COP1: variants seen among roughly 807,000 people sequenced by gnomAD.
COP1 encodes COP1 E3 ubiquitin ligase.
COP1 carries 24 observed loss-of-function variants against 101.3 expected under a neutral mutation model. That is an observed-to-expected ratio of 0.24 (90% confidence interval 0.17 to 0.33). The LOEUF (loss-of-function observed/expected upper bound fraction) is 0.33, where lower values mean the gene tolerates loss of function less well. Among genes scored for constraint, COP1 ranks in the 10% least tolerant of loss-of-function variants. The pLI is 1.00. For missense variants in COP1, 663 were observed against 906.2 expected, an observed-to-expected ratio of 0.73 and a Z score of 3.45; for synonymous variants, 347 against 341.9, an observed-to-expected ratio of 1.01 and a Z score of -0.17.
At chr1:176,028,766 T>A (rs974540462) in intron 14 of COP1, among the ~76,000 whole-genome samples, 5 of 146,062 alleles carry the variant, frequency 3.4e-5, no homozygotes, top group African/African-American at 1.3e-4. Flanking sequence ...TATTATTATT[T>A]TTGAGACAGG....
chr1:176,176,680 A>G lies in COP1; in HGVS notation c.468-673T>C, dbSNP rs965391971. Among the ~76,000 whole-genome samples the G allele has an allele frequency of 2.0e-5, 3 of 152,228 alleles. No homozygotes were observed. In the East Asian group the frequency reaches 5.8e-4, roughly 29 times the overall value. On this transcript the variant is annotated intron_variant, in intron 2 of 19. Coordinates refer to ENST00000367669, the MANE Select transcript of COP1 (RefSeq NM_022457.7). ...CAGAAAATGAAAAAATTAGCCAGGC[A>G]TGATAGCATATGCAGCTACTGGGAG...
intron 18 of COP1, among the ~76,000 whole-genome samples, chr1:175,952,823 G>T (rs917359273): frequency 6.6e-6 from 1 of 152,142 alleles, no homozygotes; most frequent in Non-Finnish European, 1.5e-5. Flanking sequence ...AGGCTGAAGC[G>T]GGAGGATCTC....
intron 15 of COP1, among the ~76,000 whole-genome samples, chr1:176,027,255 CTTAA>C (rs1333904477): frequency 2.6e-5 from 4 of 152,052 alleles, no homozygotes; most frequent in African/African-American, 4.8e-5. Context: ...TTAATAATAG[CTTAA>C]TTGTTTAAAT....
At chr1:176,116,096 T>C (rs941308676) in intron 9 of COP1, among the ~76,000 whole-genome samples, 1 of 152,188 alleles carries the variant, frequency 6.6e-6, no homozygotes, top group Admixed American at 6.5e-5. Context: ...TTTAAAAAAC[T>C]GCCAGGGATA....
At chr1:176,137,952 C>A (rs1355906138) in intron 6 of COP1, among the ~76,000 whole-genome samples, 1 of 152,014 alleles carries the variant, frequency 6.6e-6, no homozygotes, top group East Asian at 1.9e-4. Context: ...AATAAGAAAG[C>A]CAATAGTTGA....
At chr1:176,091,408 A>G (rs1681277945) in intron 9 of COP1, among the ~76,000 whole-genome samples, 1 of 152,128 alleles carries the variant, frequency 6.6e-6, no homozygotes, top group South Asian at 2.1e-4. Flanking sequence ...CAATGACACC[A>G]ACTGGAAGAT....
intron 15 of COP1, among the ~76,000 whole-genome samples, chr1:175,998,106 A>G (rs1349079102): frequency 2.1e-3 from 304 of 144,166 alleles, no homozygotes; most frequent in Non-Finnish European, 3.6e-3. Context: ...TGTGGCACAT[A>G]TACACCATGG....
chr1:176,153,823 T>C (rs1169889777), intron 5 of COP1, among the ~76,000 whole-genome samples: 1 of 152,228 alleles, frequency 6.6e-6, no homozygotes, highest in African/African-American at 2.4e-5. Context: ...GTTGAAAGTC[T>C]TTTCTGCATC....
chr1:176,138,537 T>C (rs1017778539), intron 6 of COP1, among the ~76,000 whole-genome samples: 2 of 152,170 alleles, frequency 1.3e-5, no homozygotes, highest in Admixed American at 6.6e-5. Flanking sequence ...AAAGACACTG[T>C]CTGTCCTGAA....
At chr1:176,056,611 C>G (rs1304278481) in intron 11 of COP1, among the ~76,000 whole-genome samples, 1 of 152,038 alleles carries the variant, frequency 6.6e-6, no homozygotes, top group Non-Finnish European at 1.5e-5. Flanking sequence ...TTTCAGAACT[C>G]GTCTATACAA....
rs1445513389 is a variant in COP1 at position 175,944,982 on chromosome 1, C to A, written c.*171G>T. 3 of 615,606 alleles carry A rather than the reference C, an allele frequency of 4.9e-6. No homozygotes were observed. In the East Asian group the frequency reaches 9.4e-5, roughly 19 times the overall value. 38.1% of individuals were successfully genotyped at this position (615,606 alleles called of 1,614,324 possible). A position where few individuals can be genotyped will look rare whatever the true frequency, so the allele number is the denominator to read the frequency against. On this transcript the variant is annotated 3_prime_UTR_variant, in exon 20 of 20. Coordinates refer to ENST00000367669, the MANE Select transcript of COP1 (RefSeq NM_022457.7). ...AGTTGGCTGGGTATTCCCAATGTCC[C>A]AAAGGTCATAAAGGAGGGAAAAGAA...
chr1:175,969,904 T>G (rs1390352378), intron 18 of COP1, among the ~76,000 whole-genome samples: 1 of 152,224 alleles, frequency 6.6e-6, no homozygotes, highest in Non-Finnish European at 1.5e-5. Context: ...ATTAGTACTG[T>G]CAGTATCACA....
At chr1:176,098,763 T>C (rs900275079) in intron 9 of COP1, among the ~76,000 whole-genome samples, 11 of 152,236 alleles carry the variant, frequency 7.2e-5, no homozygotes, top group African/African-American at 2.4e-4. Context: ...GAATTCTATT[T>C]CATAACATCA....
chr1:176,008,570 A>G (rs1664001877), intron 15 of COP1, among the ~76,000 whole-genome samples: 1 of 152,204 alleles, frequency 6.6e-6, no homozygotes, highest in Non-Finnish European at 1.5e-5. Flanking sequence ...TGTAATAACT[A>G]ATTACAAATA....
chr1:176,050,144 T>G (rs937587508), intron 11 of COP1, among the ~76,000 whole-genome samples: 1 of 152,226 alleles, frequency 6.6e-6, no homozygotes, highest in South Asian at 2.1e-4. Flanking sequence ...GGGACATAAA[T>G]TGCATTTTTC....
At chr1:176,013,806 T>A (rs1229969320) in intron 15 of COP1, among the ~76,000 whole-genome samples, 2 of 152,198 alleles carry the variant, frequency 1.3e-5, no homozygotes, top group Non-Finnish European at 2.9e-5. Context: ...AAATTAAAAT[T>A]CCAGACTTAT....
chr1:175,970,120 G>A (rs952055364), intron 18 of COP1, among the ~76,000 whole-genome samples: 2 of 152,140 alleles, frequency 1.3e-5, no homozygotes, highest in Non-Finnish European at 2.9e-5. Context: ...GTTGAAGCAA[G>A]GAATGTACCT....
chr1:176,008,094 G>T (rs1326505235), intron 15 of COP1, among the ~76,000 whole-genome samples: 2 of 152,188 alleles, frequency 1.3e-5, no homozygotes, highest in Non-Finnish European at 2.9e-5. Context: ...TTGGGTGGGA[G>T]TGACCCGATT....
At chr1:176,020,225 C>T (rs1188950502) in intron 15 of COP1, among the ~76,000 whole-genome samples, 7 of 150,300 alleles carry the variant, frequency 4.7e-5, no homozygotes, top group East Asian at 2.0e-4. Context: ...GCAGGGGAAT[C>T]GCTTGAACTT....
Sources: allele counts gnomAD v4.1 joint callset (sites outside exome capture counted in the v4.1 genomes callset), GRCh38; gene constraint gnomAD v4.1.1; transcripts MANE v1.5; gene names NCBI Gene and HGNC (gene_info 2026-07-23, HGNC 2026-07-21).